LARGE1: variants seen among roughly 807,000 people sequenced by gnomAD.
The protein encoded by LARGE1 is LARGE xylosyl- and glucuronyltransferase 1.
LARGE1 carries 43 observed loss-of-function variants against 87.6 expected under a neutral mutation model. The observed-to-expected ratio is 0.49, with a 90% CI of 0.38 to 0.63. The LOEUF (loss-of-function observed/expected upper bound fraction) is 0.63, where lower values mean the gene tolerates loss of function less well. Ranked by LOEUF, LARGE1 falls within the 30% of genes least tolerant of loss-of-function variation. The pLI is 0.00. For synonymous variants in LARGE1, 434 were observed against 394.6 expected (o/e 1.10, Z -1.18); for missense variants, 802 against 1,000.2 (o/e 0.80, Z 2.67).
intron 6 of LARGE1, among the ~76,000 whole-genome samples, chr22:33,542,014 T>C (rs1326128876): frequency 6.6e-6 from 1 of 151,748 alleles, no homozygotes; most frequent in East Asian, 1.9e-4. Context: ...ATACAAAAAT[T>C]AGCTGGGTGT....
intron 7 of LARGE1, among the ~76,000 whole-genome samples, chr22:33,420,587 C>G (rs1312005025): frequency 6.6e-6 from 1 of 151,972 alleles, no homozygotes; most frequent in Non-Finnish European, 1.5e-5. Context: ...GGGAACACTT[C>G]CAGGAAACGA....
chr22:33,711,197 G>A (rs912737387), intron 2 of LARGE1, among the ~76,000 whole-genome samples: 20 of 152,262 alleles, frequency 1.3e-4, no homozygotes, highest in South Asian at 2.1e-4. Context: ...CCCTGCTAAG[G>A]GAGCTATGCA....
chr22:33,265,417 T>G (rs1178086827), intron 11 of LARGE1, among the ~76,000 whole-genome samples: 1 of 152,214 alleles, frequency 6.6e-6, no homozygotes, highest in Non-Finnish European at 1.5e-5. Flanking sequence ...TCTCTCGTCT[T>G]GACACCTATT....
intron 1 of LARGE1, among the ~76,000 whole-genome samples, chr22:33,796,558 A>C (rs934550635): frequency 2.6e-5 from 4 of 152,200 alleles, no homozygotes; most frequent in East Asian, 1.9e-4. Context: ...TCTTTAAAAA[A>C]TCAATCAAAG....
chr22:33,915,992 G>C (rs1332427877), intron 1 of LARGE1, among the ~76,000 whole-genome samples: 1 of 152,100 alleles, frequency 6.6e-6, no homozygotes, highest in South Asian at 2.1e-4. Context: ...AATAATAGTT[G>C]AATGTCTGGC....
chr22:33,463,151 A>AAAG (rs147492737), intron 6 of LARGE1, among the ~76,000 whole-genome samples: 2,692 of 152,250 alleles, frequency 0.018, 91 homozygotes, highest in African/African-American at 0.061. Flanking sequence ...AACACCTGCC[A>AAAG]TCTTGGTGGC....
chr22:33,647,861 G>A (rs1372888200), intron 3 of LARGE1, among the ~76,000 whole-genome samples: 1 of 151,988 alleles, frequency 6.6e-6, no homozygotes, highest in African/African-American at 2.4e-5. Flanking sequence ...GGGTTTAAAC[G>A]ATTCTCCTGC....
chr22:33,317,398 C>T (rs537404335), intron 10 of LARGE1, among the ~76,000 whole-genome samples: 57 of 152,246 alleles, frequency 3.7e-4, no homozygotes, highest in African/African-American at 1.4e-3. Context: ...CAAAACAAAA[C>T]AAAACTTAGC....
At chr22:33,856,170 A>G (rs2063749324) in intron 1 of LARGE1, among the ~76,000 whole-genome samples, 1 of 152,160 alleles carries the variant, frequency 6.6e-6, no homozygotes, top group South Asian at 2.1e-4. Context: ...AAGATTTCAA[A>G]ATGTTTCATG....
chr22:33,895,935 T>C (rs1275104280), intron 1 of LARGE1, among the ~76,000 whole-genome samples: 1 of 151,554 alleles, frequency 6.6e-6, no homozygotes, highest in Non-Finnish European at 1.5e-5. Flanking sequence ...AAAATACACA[T>C]CACATAAAAC....
At chr22:33,265,684 C>T (rs1927896438) in intron 11 of LARGE1, among the ~76,000 whole-genome samples, 1 of 152,002 alleles carries the variant, frequency 6.6e-6, no homozygotes, top group Admixed American at 6.5e-5. Context: ...TCAGCTGGCA[C>T]AGCTGTTGGA....
At chr22:33,221,574 C>T (rs569383034) in intron 11 of LARGE1, 2 of 152,134 alleles carry the variant, frequency 1.3e-5, no homozygotes, top group Non-Finnish European at 2.9e-5. Flanking sequence ...AAAAATGTAA[C>T]CCAGCTTTTA....
chr22:33,467,647 C>T (rs1406008732), intron 6 of LARGE1, among the ~76,000 whole-genome samples: 1 of 152,212 alleles, frequency 6.6e-6, no homozygotes. Context: ...TGCGATATTT[C>T]ATTCATTGAT....
the LARGE1 span, among the ~76,000 whole-genome samples, chr22:33,075,686 A>G: frequency 6.6e-6 from 1 of 152,214 alleles, no homozygotes; most frequent in African/African-American, 2.4e-5. Flanking sequence ...CTTCTTTGAA[A>G]AGCTTTGCAC....
At chr22:33,454,301 T>C (rs1601911065) in intron 6 of LARGE1, among the ~76,000 whole-genome samples, 1 of 152,194 alleles carries the variant, frequency 6.6e-6, no homozygotes, top group East Asian at 1.9e-4. Context: ...AAAAAATGCC[T>C]GAGACTAGGT....
chr22:33,770,897 T>G (rs2085049054), intron 1 of LARGE1, among the ~76,000 whole-genome samples: 1 of 152,120 alleles, frequency 6.6e-6, no homozygotes, highest in Non-Finnish European at 1.5e-5. Flanking sequence ...ATTCTCACAT[T>G]CTTCCTCCTC....
chr22:33,451,690 C>G (rs572026122), intron 6 of LARGE1, among the ~76,000 whole-genome samples: 19 of 151,970 alleles, frequency 1.3e-4, no homozygotes, highest in African/African-American at 4.6e-4. Context: ...TCCCGAGTAG[C>G]TGGGATTACA....
chr22:33,556,560 GAGGGAGGCAGGC>G (rs2077691387), intron 6 of LARGE1, among the ~76,000 whole-genome samples: 1 of 76,858 alleles, frequency 1.3e-5, no homozygotes, highest in East Asian at 3.4e-4. Context: ...GGGAGGGAGG[GAGGGAGGCAGGC>G]AGGCAGGCAG....
At chr22:33,430,618 C>G (rs1443351203) in intron 7 of LARGE1, among the ~76,000 whole-genome samples, 1 of 152,202 alleles carries the variant, frequency 6.6e-6, no homozygotes, top group Non-Finnish European at 1.5e-5. Flanking sequence ...CAAGGCATAT[C>G]TAATACTCAG....
Sources: allele counts gnomAD v4.1 joint callset (sites outside exome capture counted in the v4.1 genomes callset), GRCh38; gene constraint gnomAD v4.1.1; transcripts MANE v1.5; gene names NCBI Gene and HGNC (gene_info 2026-07-23, HGNC 2026-07-21).